LURAP1L: variants seen among roughly 807,000 people sequenced by gnomAD.
The protein encoded by LURAP1L is leucine rich adaptor protein 1-like.
A neutral mutation model predicts 13.8 loss-of-function variants in LURAP1L; 12 were observed. The ratio of observed to expected loss-of-function variants is 0.87; its 90% CI spans 0.56 to 1.41. The LOEUF is 1.41. Among genes scored for constraint, LURAP1L ranks in the 40% most tolerant of loss-of-function variants. The pLI is 0.00. For synonymous variants in LURAP1L, 139 were observed against 119.2 expected, an observed-to-expected ratio of 1.17 and a Z score of -1.08; for missense variants, 375 against 292.9, an observed-to-expected ratio of 1.28 and a Z score of -2.04.
intron 1 of LURAP1L, among the ~76,000 whole-genome samples, chr9:12,798,992 T>G: frequency 6.6e-6 from 1 of 152,224 alleles, no homozygotes; most frequent in East Asian, 1.9e-4. Context: ...GATTATTCTT[T>G]TTTTAATCCA....
intron 1 of LURAP1L, among the ~76,000 whole-genome samples, chr9:12,817,973 C>T (rs536675394): frequency 1.3e-4 from 20 of 152,076 alleles, no homozygotes; most frequent in Non-Finnish European, 2.2e-4. Flanking sequence ...AGCGCTCCCA[C>T]GGTGGGAAGC....
At chr9:12,807,253 G>A (rs559189802) in intron 1 of LURAP1L, among the ~76,000 whole-genome samples, 23 of 150,948 alleles carry the variant, frequency 1.5e-4, no homozygotes, top group South Asian at 4.2e-4. Flanking sequence ...GCGACAGAGC[G>A]AGACTCCATC....
chr9:12,802,893 C>T (rs1317159570), intron 1 of LURAP1L, among the ~76,000 whole-genome samples: 1 of 152,174 alleles, frequency 6.6e-6, no homozygotes, highest in Non-Finnish European at 1.5e-5. Context: ...ACATTTTCAT[C>T]TCTGAGCCTT....
At chr9:12,816,622 GAA>G (rs1819807847) in intron 1 of LURAP1L, among the ~76,000 whole-genome samples, 1 of 152,148 alleles carries the variant, frequency 6.6e-6, no homozygotes, top group Admixed American at 6.5e-5. Flanking sequence ...AGATATCTGG[GAA>G]AGTTTGCTGT....
At chr9:12,784,668 C>T (rs748816249) in intron 1 of LURAP1L, among the ~76,000 whole-genome samples, 1 of 152,132 alleles carries the variant, frequency 6.6e-6, no homozygotes, top group Non-Finnish European at 1.5e-5. Flanking sequence ...TGATGTCACC[C>T]GAGGCCTGTG....
At chr9:12,813,725 A>G (rs1431716012) in intron 1 of LURAP1L, among the ~76,000 whole-genome samples, 2 of 152,224 alleles carry the variant, frequency 1.3e-5, no homozygotes, top group African/African-American at 2.4e-5. Context: ...GACATCATTG[A>G]TGAACCAGTA....
At chr9:12,795,378 G>A (rs1819499151) in intron 1 of LURAP1L, among the ~76,000 whole-genome samples, 1 of 151,824 alleles carries the variant, frequency 6.6e-6, no homozygotes. Context: ...CAGTATTGGA[G>A]GAATACATTA....
At chr9:12,819,929 G>C (rs1011170085) in intron 1 of LURAP1L, among the ~76,000 whole-genome samples, 2 of 152,044 alleles carry the variant, frequency 1.3e-5, no homozygotes, top group South Asian at 2.1e-4. Flanking sequence ...ACTCCCGCCT[G>C]GGCAATAGAG....
rs776472169 is a variant in LURAP1L, at chr9:12,821,484, C to G, written c.411C>G (p.Thr137=). The change falls in exon 2 of 2, where the codon ACC becomes ACG. Residue 137 remains threonine, a synonymous_variant. Coordinates refer to ENST00000319264, the MANE Select transcript of LURAP1L (RefSeq NM_203403.2). ...SIKWMIEEKA[T]ITSRGSSLSG... is the part of the protein sequence containing the mutation. ...AGTGGATGATCGAAGAAAAAGCCAC[C>G]ATTACCAGCAGAGGCAGCAGCCTCA... The G allele has an allele frequency of 1.2e-6, 2 of 1,614,152 alleles. No homozygotes were observed. Among genetic ancestry groups the G allele is most frequent in the South Asian group, 2.2e-5 (2 of 91,088 alleles).
intron 1 of LURAP1L, among the ~76,000 whole-genome samples, chr9:12,787,002 A>G (rs1819365217): frequency 2.0e-5 from 3 of 152,168 alleles, no homozygotes; most frequent in Admixed American, 2.0e-4. Flanking sequence ...CCACCTTAGT[A>G]AATTCACAAA....
intron 1 of LURAP1L, among the ~76,000 whole-genome samples, chr9:12,819,250 A>C (rs1185116269): frequency 6.6e-6 from 1 of 152,184 alleles, no homozygotes; most frequent in Non-Finnish European, 1.5e-5. Context: ...GAAGTGACTC[A>C]AGTCACTTCA....
intron 1 of LURAP1L, among the ~76,000 whole-genome samples, chr9:12,813,727 G>T (rs1429019872): frequency 6.6e-6 from 1 of 152,254 alleles, no homozygotes; most frequent in African/African-American, 2.4e-5. Context: ...CATCATTGAT[G>T]AACCAGTAAA....
At chr9:12,791,456 T>G (rs1454068750) in intron 1 of LURAP1L, among the ~76,000 whole-genome samples, 1 of 152,068 alleles carries the variant, frequency 6.6e-6, no homozygotes, top group Non-Finnish European at 1.5e-5. Flanking sequence ...AATCTCAGTA[T>G]TTTTTATTTA....
Position 12,821,378 on chromosome 9 carries a change from G to C in LURAP1L, c.313-8G>C. 1 of 1,608,688 alleles carries C rather than the reference G, an allele frequency of 6.2e-7. No individual in the cohort carries two copies. Among genetic ancestry groups the C allele is most frequent in the Non-Finnish European group, 8.5e-7 (1 of 1,176,064 alleles). ...GCTGGAATATCTTTCTTCTCTCTTTGTCCATAGGTTAACCTCAGAGCCACA... is the reference window on the plus strand; with the variant it reads ...GCTGGAATATCTTTCTTCTCTCTTTCTCCATAGGTTAACCTCAGAGCCACA... On this transcript the variant is annotated splice_polypyrimidine_tract_variant and splice_region_variant and intron_variant, in intron 1 of 1. Transcript: ENST00000319264.
intron 1 of LURAP1L, among the ~76,000 whole-genome samples, chr9:12,779,266 C>CTTTTTTTT (rs71329885): frequency 8.9e-5 from 8 of 90,258 alleles, no homozygotes; most frequent in East Asian, 4.5e-4. Context: ...ATCTTATAAT[C>CTTTTTTTT]TTTTTTTTTT....
intron 1 of LURAP1L, among the ~76,000 whole-genome samples, chr9:12,810,387 C>T (rs1053785143): frequency 3.9e-5 from 6 of 152,174 alleles, no homozygotes; most frequent in African/African-American, 7.2e-5. Flanking sequence ...ATGTGTCTGT[C>T]TTCCAGGGCT....
At chr9:12,814,711 T>G (rs1819781545) in intron 1 of LURAP1L, among the ~76,000 whole-genome samples, 1 of 152,226 alleles carries the variant, frequency 6.6e-6, no homozygotes, top group Non-Finnish European at 1.5e-5. Context: ...TACAGCTTTC[T>G]ACTTTATCAA....
chr9:12,790,650 G>A (rs951061007), intron 1 of LURAP1L: 26 of 151,996 alleles, frequency 1.7e-4, no homozygotes, highest in African/African-American at 5.6e-4. Flanking sequence ...AGAATTTCTC[G>A]TTGGTTGCAG....
At chr9:12,820,863 A>G (rs1819869302) in intron 1 of LURAP1L, among the ~76,000 whole-genome samples, 1 of 152,142 alleles carries the variant, frequency 6.6e-6, no homozygotes. Context: ...AAATAATAAT[A>G]CCTGTCATAC....
Sources: allele counts gnomAD v4.1 joint callset (sites outside exome capture counted in the v4.1 genomes callset), GRCh38; gene constraint gnomAD v4.1.1; transcripts MANE v1.5; gene names NCBI Gene and HGNC (gene_info 2026-07-23, HGNC 2026-07-21).